The following CFDP1 variants were observed in gnomAD, a reference collection of about 807,000 sequenced individuals.
CFDP1 encodes chromatin remodeling protein CFDP1.
CFDP1 carries 31 observed loss-of-function variants against 40.1 expected under a neutral mutation model. The observed-to-expected ratio is 0.77, with a 90% CI of 0.58 to 1.04. The LOEUF (loss-of-function observed/expected upper bound fraction) is 1.04. Among genes scored for constraint, CFDP1 ranks in the 50% least tolerant of loss-of-function variants. CFDP1 has a pLI of 0.00. For synonymous variants in CFDP1, 167 were observed against 120.0 expected (o/e 1.39, Z -2.56); for missense variants, 423 against 343.4 (o/e 1.23, Z -1.83).
At chr16:75,359,765 A>G (rs1324853636) in intron 5 of CFDP1, among the ~76,000 whole-genome samples, 1 of 152,218 alleles carries the variant, frequency 6.6e-6, no homozygotes, top group Non-Finnish European at 1.5e-5. Context: ...AAACGATAAC[A>G]GCCTCTGGCC....
intron 5 of CFDP1, among the ~76,000 whole-genome samples, chr16:75,388,930 T>C (rs2078923912): frequency 6.6e-6 from 1 of 151,736 alleles, no homozygotes; most frequent in Admixed American, 6.6e-5. Context: ...CTTTTTTTTT[T>C]TTTTCCACTC....
intron 5 of CFDP1, among the ~76,000 whole-genome samples, chr16:75,354,089 C>T (rs369926352): frequency 1.3e-5 from 2 of 152,142 alleles, no homozygotes; most frequent in East Asian, 1.9e-4. Context: ...TGATAAATTA[C>T]ATAAGATATT....
chr16:75,387,758 A>G (rs1176664656), intron 5 of CFDP1, among the ~76,000 whole-genome samples: 4 of 152,194 alleles, frequency 2.6e-5, no homozygotes, highest in Non-Finnish European at 4.4e-5. Context: ...CCCACATCAC[A>G]TCTTGTCCAC....
intron 5 of CFDP1, among the ~76,000 whole-genome samples, chr16:75,328,668 C>G (rs1597334518): frequency 7.1e-6 from 1 of 141,242 alleles, no homozygotes; most frequent in Non-Finnish European, 1.5e-5. Flanking sequence ...AAAGAAATAG[C>G]AGTATAATAA....
At chr16:75,383,433 AT>A (rs2078867445) in intron 5 of CFDP1, among the ~76,000 whole-genome samples, 1 of 152,234 alleles carries the variant, frequency 6.6e-6, no homozygotes. Context: ...GATGAATGAC[AT>A]TCTTCCCTGA....
At chr16:75,375,790 CAA>C (rs564473644) in intron 5 of CFDP1, among the ~76,000 whole-genome samples, 7 of 125,654 alleles carry the variant, frequency 5.6e-5, no homozygotes, top group Admixed American at 7.9e-5. Flanking sequence ...GACTCCATCT[CAA>C]AAAAAAAAAA....
At chr16:75,302,767 G>A (rs544442871) in intron 6 of CFDP1, among the ~76,000 whole-genome samples, 3 of 152,314 alleles carry the variant, frequency 2.0e-5, no homozygotes, top group Admixed American at 6.5e-5. Context: ...GCTACCACTC[G>A]TGAAGAGACA....
At chr16:75,374,607 C>T (rs565558163) in intron 5 of CFDP1, among the ~76,000 whole-genome samples, 4 of 151,484 alleles carry the variant, frequency 2.6e-5, no homozygotes, top group East Asian at 3.9e-4. Context: ...AGTTGATCCC[C>T]GGAGTTTGAG....
chr16:75,317,935 A>AC lies in CFDP1; in HGVS notation c.651-12754dup, dbSNP rs536868111. On this transcript the variant is annotated intron_variant, in intron 5 of 6. Transcript: ENST00000283882. ...AGACCAGTCTGGCCAACATGGTGAG[A>AC]CCCCACCCCCCATCTCTACTAAAAA... is the stretch of plus-strand genomic sequence containing the variant. Among the ~76,000 whole-genome samples the AC allele has an allele frequency of 1.4e-4, 21 of 151,286 alleles. No individual in the cohort carries two copies. In the South Asian group the frequency reaches 1.7e-3, roughly 12 times the overall value.
intron 5 of CFDP1, among the ~76,000 whole-genome samples, chr16:75,374,158 C>G (rs563779586): frequency 7.2e-5 from 11 of 151,948 alleles, no homozygotes; most frequent in African/African-American, 2.4e-4. Context: ...GAGGCTGAGA[C>G]ATGAGAATCA....
At chr16:75,324,960 G>A (rs2078392167) in intron 5 of CFDP1, 1 of 152,092 alleles carries the variant, frequency 6.6e-6, no homozygotes, top group Non-Finnish European at 1.5e-5. Flanking sequence ...CCTGTAGAAT[G>A]GCCTGCTCTT....
chr16:75,299,003 G>A (rs2078203481), intron 6 of CFDP1, among the ~76,000 whole-genome samples: 1 of 152,082 alleles, frequency 6.6e-6, no homozygotes, highest in Admixed American at 6.5e-5. Flanking sequence ...TCTATGCATG[G>A]ATTCCTCCCC....
intron 5 of CFDP1, among the ~76,000 whole-genome samples, chr16:75,312,138 C>T (rs2078296714): frequency 6.6e-6 from 1 of 152,134 alleles, no homozygotes; most frequent in South Asian, 2.1e-4. Flanking sequence ...TCACTACTCA[C>T]CTGTATAAAT....
chr16:75,338,332 G>A (rs895159006), intron 5 of CFDP1, among the ~76,000 whole-genome samples: 4 of 152,158 alleles, frequency 2.6e-5, no homozygotes, highest in African/African-American at 9.7e-5. Flanking sequence ...GAAGATAAAG[G>A]GATCATTCAT....
At chr16:75,313,716 C>A (rs563318709) in intron 5 of CFDP1, among the ~76,000 whole-genome samples, 1 of 152,158 alleles carries the variant, frequency 6.6e-6, no homozygotes, top group South Asian at 2.1e-4. Context: ...TGCCTTAGTT[C>A]TTCAGAAAGC....
intron 6 of CFDP1, among the ~76,000 whole-genome samples, chr16:75,294,419 C>T (rs1427191194): frequency 2.6e-5 from 4 of 152,174 alleles, no homozygotes; most frequent in African/African-American, 9.7e-5. Context: ...TTCTCTACAG[C>T]AGCATGGTGA....
intron 5 of CFDP1, among the ~76,000 whole-genome samples, chr16:75,390,954 GC>G (rs1280463531): frequency 6.6e-6 from 1 of 152,206 alleles, no homozygotes; most frequent in East Asian, 1.9e-4. Context: ...ATTTGAGAAT[GC>G]CATCTGTTTC....
chr16:75,373,534 C>G (rs939515459), intron 5 of CFDP1, among the ~76,000 whole-genome samples: 3 of 152,200 alleles, frequency 2.0e-5, no homozygotes, highest in African/African-American at 4.8e-5. Context: ...GCCCACCCCC[C>G]ATTCTACCTA....
chr16:75,310,279 T>TTAG (rs2078287131), intron 5 of CFDP1, among the ~76,000 whole-genome samples: 2 of 152,324 alleles, frequency 1.3e-5, no homozygotes, highest in South Asian at 4.1e-4. Context: ...AAAGAGACAC[T>TTAG]TATTTTCCAA....
Sources: allele counts gnomAD v4.1 joint callset (sites outside exome capture counted in the v4.1 genomes callset), GRCh38; gene constraint gnomAD v4.1.1; transcripts MANE v1.5; gene names NCBI Gene and HGNC (gene_info 2026-07-23, HGNC 2026-07-21).